The following CASP9 variants were observed in gnomAD, a reference collection of about 807,000 sequenced individuals.
CASP9 encodes caspase-9.
A neutral mutation model predicts 43.5 loss-of-function variants in CASP9; 29 were observed. The ratio of observed to expected loss-of-function variants is 0.67; its 90% CI spans 0.50 to 0.91. CASP9 has a LOEUF of 0.91. Ranked by LOEUF, CASP9 falls within the 40% of genes least tolerant of loss-of-function variation. The probability of loss-of-function intolerance (pLI) is 0.00; values close to 1 mark genes in which losing one functional copy is unlikely to be tolerated. For synonymous variants in CASP9, 206 were observed against 211.9 expected (o/e 0.97, Z 0.24); for missense variants, 575 against 537.4 (o/e 1.07, Z -0.69).
At chr1:15,521,049 C>CGGGA (rs1710172957) in intron 1 of CASP9, among the ~76,000 whole-genome samples, 1 of 149,816 alleles carries the variant, frequency 6.7e-6, no homozygotes, top group South Asian at 2.1e-4. Flanking sequence ...CCCAGCTACT[C>CGGGA]GGGAGGCTGA....
intron 6 of CASP9, among the ~76,000 whole-genome samples, chr1:15,501,812 C>T (rs1408450218): frequency 6.6e-6 from 1 of 152,032 alleles, no homozygotes; most frequent in Non-Finnish European, 1.5e-5. Flanking sequence ...GGCTCTGTCA[C>T]TCAGGCCGGA....
In CASP9 at chr1:15,504,809, C is replaced by G. The variant is rs1165801858; in HGVS notation, c.721-51G>C. ...AAAACCAAGAAGTTGGAGTAGGAAT[C>G]CAACAGCCTGTTCAGAGGTTTTGTG... On this transcript the variant is annotated intron_variant, in intron 5 of 8. Transcript: ENST00000333868. 2.5e-6 allele frequency: 4 copies of G among 1,569,086 alleles called. No individual in the cohort carries two copies. The African/African-American group carries it at 4.1e-5, about 16-fold the overall frequency.
upstream of CASP9, chr1:15,524,256 G>A: frequency 1.3e-6 from 2 of 1,519,374 alleles, no homozygotes; most frequent in East Asian, 5.1e-5. Context: ...GGCCTCGGCC[G>A]CCCGCCCCAG....
chr1:15,506,034 C>A lies in CASP9; in HGVS notation c.676G>T (p.Ala226Ser), dbSNP rs368934334. The change falls in exon 5 of 9, where the codon GCT (alanine) becomes TCT (serine). Residue 226 changes from alanine to serine, a missense_variant. Coordinates refer to ENST00000333868, the MANE Select transcript of CASP9 (RefSeq NM_001229.5). ...ATGACCACCACGCAGCAGTCCAGAG[C>A]ACCGTGGTCCTGCTGCGCCAGCTCC... The part of the protein sequence containing the change: ...LLELAQQDHG[A>S]LDCCVVVILS... 1.6e-5 allele frequency: 26 copies of A among 1,614,068 alleles called. No homozygotes were observed. Among genetic ancestry groups the A allele is most frequent in the East Asian group, 2.2e-5 (1 of 44,892 alleles).
chr1:15,498,742 CTTTTTTTTTTTTTT>C (rs1218849159), intron 6 of CASP9, among the ~76,000 whole-genome samples: 2 of 83,494 alleles, frequency 2.4e-5, no homozygotes, highest in Non-Finnish European at 4.3e-5. Context: ...TGAAAGTGAT[CTTTTTTTTTTTTTT>C]TTTTTTTTTT....
At chr1:15,516,062 C>A (rs1172534007) in intron 2 of CASP9, among the ~76,000 whole-genome samples, 1 of 151,994 alleles carries the variant, frequency 6.6e-6, no homozygotes, top group African/African-American at 2.4e-5. Context: ...ATTAGCCAGG[C>A]ATGGTGGCGG....
intron 6 of CASP9, among the ~76,000 whole-genome samples, 174 bp downstream of exon 6, chr1:15,504,437 G>C (rs897689070): frequency 2.0e-5 from 3 of 152,246 alleles, no homozygotes; most frequent in Admixed American, 6.5e-5. Flanking sequence ...AAAGCAGACA[G>C]AGCAGGGCCT....
chr1:15,511,989 C>T (rs1709771704), intron 2 of CASP9, among the ~76,000 whole-genome samples: 1 of 152,162 alleles, frequency 6.6e-6, no homozygotes, highest in Non-Finnish European at 1.5e-5. Context: ...TGAAGTCCCT[C>T]CACACACTGC....
At chr1:15,496,751 G>A (rs1709117374) in intron 6 of CASP9, among the ~76,000 whole-genome samples, 1 of 152,174 alleles carries the variant, frequency 6.6e-6, no homozygotes, top group Non-Finnish European at 1.5e-5. Flanking sequence ...AAAGAAGGCT[G>A]GATGCCATGG....
intron 1 of CASP9, among the ~76,000 whole-genome samples, chr1:15,523,699 CCAAT>C (rs1490963806): frequency 6.6e-6 from 1 of 152,118 alleles, no homozygotes; most frequent in Non-Finnish European, 1.5e-5. Context: ...TAACTGCAAA[CCAAT>C]CAAATAATTT....
chr1:15,501,459 G>C (rs1458977094), intron 6 of CASP9, among the ~76,000 whole-genome samples: 3 of 151,996 alleles, frequency 2.0e-5, no homozygotes, highest in East Asian at 1.9e-4. Flanking sequence ...ATTATAGTGA[G>C]TTATAAAATA....
chr1:15,495,484 A>G (rs1217029040), intron 6 of CASP9, 32 bp from the exon 7 acceptor site: 1 of 1,523,080 alleles, frequency 6.6e-7, no homozygotes, highest in African/African-American at 1.4e-5. Context: ...ACCTCTTGTC[A>G]TTGAAATACA....
At chr1:15,512,644 G>A (rs1024183752) in intron 2 of CASP9, among the ~76,000 whole-genome samples, 1 of 151,942 alleles carries the variant, frequency 6.6e-6, no homozygotes, top group Admixed American at 6.6e-5. Flanking sequence ...CCTGTTCCTT[G>A]TAATAAATAT....
At chr1:15,524,342 C>G, upstream of CASP9, 1 of 1,417,512 alleles carries the variant, frequency 7.1e-7, no homozygotes, top group Non-Finnish European at 9.1e-7. Context: ...CCCACCGCCT[C>G]CGGACGCATC....
intron 1 of CASP9, among the ~76,000 whole-genome samples, chr1:15,521,114 G>A (rs148555368): frequency 0.015 from 2,194 of 149,962 alleles, 23 homozygotes; most frequent in Non-Finnish European, 0.024. Flanking sequence ...CCGAGATTGC[G>A]GCACTGCACT....
At chr1:15,524,021 C>CG in intron 1 of CASP9, 48 bp downstream of exon 1, 1 of 1,357,604 alleles carries the variant, frequency 7.4e-7, no homozygotes, top group African/African-American at 1.6e-5. Flanking sequence ...CCTCGAGGGG[C>CG]GTGGGGACCC....
intron 2 of CASP9, among the ~76,000 whole-genome samples, chr1:15,511,684 G>A (rs910601928): frequency 2.6e-5 from 4 of 152,178 alleles, no homozygotes; most frequent in South Asian, 2.1e-4. Context: ...GATCACAGGC[G>A]TGAGCCACCA....
rs1557534268 is a variant in CASP9 at position 15,495,597 on chromosome 1, A to G, written c.869-145T>C. On this transcript the variant is annotated intron_variant, in intron 6 of 8. Coordinates refer to ENST00000333868, the MANE Select transcript of CASP9 (RefSeq NM_001229.5). ...ACCCCAAACTCATTAAGCCAAACGG[A>G]AAAGTCAAGCTGGGAACTGGGTCAC... 1.6e-5 allele frequency: 11 copies of G among 704,378 alleles called. No homozygotes were observed. In the East Asian group the frequency reaches 3.7e-4, roughly 24 times the overall value. 43.6% of individuals were successfully genotyped at this position (704,378 alleles called of 1,614,324 possible).
chr1:15,500,316 CT>C lies in CASP9; in HGVS notation c.868+4294del, dbSNP rs543906226. Among the ~76,000 whole-genome samples, 89 of 152,264 alleles carry C rather than the reference CT, an allele frequency of 5.8e-4. 1 individual carries two copies. Among genetic ancestry groups the C allele is most frequent in the African/African-American group, 2.1e-3 (87 of 41,550 alleles). ...GTCCTGGTGAGAGAGACAGCAAGTG[CT>C]GTGGCCGCAACGCAGGCAGGTTTGC... is the stretch of plus-strand genomic sequence containing the variant. On this transcript the variant is annotated intron_variant, in intron 6 of 8. Transcript: ENST00000333868.
Sources: gnomAD v4.1 joint callset for allele counts (sites outside exome capture counted in the v4.1 genomes callset) on GRCh38, gnomAD v4.1.1 for gene constraint, MANE v1.5 for transcripts, NCBI Gene and HGNC (gene_info 2026-07-23, HGNC 2026-07-21) for gene names.